BTBD9: variants seen among roughly 807,000 people sequenced by gnomAD.
The protein encoded by BTBD9 is BTB/POZ domain-containing protein 9.
BTBD9 carries 49 observed loss-of-function variants against 64.3 expected under a neutral mutation model. The ratio of observed to expected loss-of-function variants is 0.76; its 90% CI spans 0.61 to 0.97. The LOEUF (loss-of-function observed/expected upper bound fraction) is 0.97, where lower values mean the gene tolerates loss of function less well. BTBD9 is among the 50% of genes least tolerant of loss of function. The pLI is 0.00. For missense variants in BTBD9, 598 were observed against 762.1 expected (o/e 0.78, Z 2.53); for synonymous variants, 260 against 274.7 (o/e 0.95, Z 0.53).
At chr6:38,283,360 A>G (rs763338829) in intron 8 of BTBD9, among the ~76,000 whole-genome samples, 1 of 152,190 alleles carries the variant, frequency 6.6e-6, no homozygotes, top group Non-Finnish European at 1.5e-5. Context: ...AAGATAATTC[A>G]TGTTTGGCCA....
At chr6:38,287,302 T>C (rs1291488311) in intron 8 of BTBD9, among the ~76,000 whole-genome samples, 1 of 151,376 alleles carries the variant, frequency 6.6e-6, no homozygotes, top group African/African-American at 2.4e-5. Flanking sequence ...TACCATTTTT[T>C]ATGTTCTTCT....
chr6:38,212,158 G>A (rs1762855833), intron 9 of BTBD9, among the ~76,000 whole-genome samples: 1 of 152,182 alleles, frequency 6.6e-6, no homozygotes, highest in African/African-American at 2.4e-5. Flanking sequence ...TGGTGGCCAG[G>A]AGAATGTTAA....
intron 6 of BTBD9, among the ~76,000 whole-genome samples, chr6:38,400,267 A>G (rs1766869271): frequency 6.6e-6 from 1 of 152,090 alleles, no homozygotes; most frequent in African/African-American, 2.4e-5. Flanking sequence ...ATCCTTAAGC[A>G]ACACACCTGT....
At chr6:38,238,752 C>A (rs990200081) in intron 9 of BTBD9, among the ~76,000 whole-genome samples, 1 of 151,976 alleles carries the variant, frequency 6.6e-6, no homozygotes, top group East Asian at 1.9e-4. Flanking sequence ...GGATTACAGG[C>A]GTGAGCCACC....
chr6:38,637,016 C>A (rs1232889272), intron 1 of BTBD9, among the ~76,000 whole-genome samples: 2 of 152,142 alleles, frequency 1.3e-5, no homozygotes, highest in African/African-American at 4.8e-5. Context: ...CTTATGCTGG[C>A]CCCTGGAATG....
chr6:38,397,180 GT>G (rs1475504420), intron 6 of BTBD9, among the ~76,000 whole-genome samples: 2 of 152,214 alleles, frequency 1.3e-5, no homozygotes, highest in South Asian at 2.1e-4. Flanking sequence ...GGGATTACAG[GT>G]GTGAGCCACT....
intron 6 of BTBD9, among the ~76,000 whole-genome samples, chr6:38,381,137 G>C (rs560098138): frequency 1.3e-5 from 2 of 151,964 alleles, no homozygotes; most frequent in East Asian, 3.9e-4. Flanking sequence ...AAATGTATTA[G>C]GAAACATAAT....
chr6:38,175,832 A>C (rs1020677850), intron 10 of BTBD9, among the ~76,000 whole-genome samples: 2 of 152,230 alleles, frequency 1.3e-5, no homozygotes, highest in African/African-American at 4.8e-5. Context: ...ATGGTTGAGC[A>C]CAGACCCTGC....
chr6:38,207,045 T>C (rs1931765), intron 9 of BTBD9, among the ~76,000 whole-genome samples: 124,282 of 152,168 alleles, frequency 0.82, 50,856 homozygotes, highest in East Asian at 0.97. Flanking sequence ...ACTACTTTAA[T>C]TTATGATGTG....
intron 6 of BTBD9, among the ~76,000 whole-genome samples, chr6:38,467,917 T>C (rs1388435359): frequency 6.6e-6 from 1 of 152,216 alleles, no homozygotes; most frequent in African/African-American, 2.4e-5. Flanking sequence ...TATCATAGCT[T>C]ACTTTTTTTT....
intron 1 of BTBD9, among the ~76,000 whole-genome samples, chr6:38,637,565 G>A (rs1296884957): frequency 5.3e-5 from 8 of 152,164 alleles, no homozygotes; most frequent in Non-Finnish European, 1.2e-4. Context: ...TACAGGATCA[G>A]CAGTAAAGAC....
At chr6:38,319,694 C>T (rs1463569987) in intron 7 of BTBD9, among the ~76,000 whole-genome samples, 1 of 151,622 alleles carries the variant, frequency 6.6e-6, no homozygotes, top group African/African-American at 2.4e-5. Context: ...ACTCTTCCCT[C>T]TCCTCTCCTC....
intron 6 of BTBD9, among the ~76,000 whole-genome samples, chr6:38,525,598 A>C (rs1773455669): frequency 1.3e-5 from 2 of 152,204 alleles, no homozygotes; most frequent in African/African-American, 2.4e-5. Context: ...AATGGTTTTG[A>C]CCAAAATGCT....
chr6:38,504,513 G>A (rs1772373228), intron 6 of BTBD9: 2 of 456,468 alleles, frequency 4.4e-6, no homozygotes, highest in Admixed American at 2.4e-5. Context: ...ACTTTGCACT[G>A]TCACTGTCAG....
At chr6:38,323,928 T>C (rs1173117497) in intron 7 of BTBD9, among the ~76,000 whole-genome samples, 2 of 151,954 alleles carry the variant, frequency 1.3e-5, no homozygotes, top group African/African-American at 4.8e-5. Context: ...GCAGACTCTG[T>C]CTCTACACTT....
At position 38,192,520 on chromosome 6, in the gene BTBD9, T is replaced by C; in HGVS notation, c.1640A>G (p.Glu547Gly). Residue 547 changes from glutamate (E) to glycine (G), a missense_variant and splice_region_variant, in exon 10 of 11, where the codon GAG (glutamate) becomes GGG (glycine). Glu to Gly is a moderately conservative substitution (Grantham distance 98). Transcript: ENST00000481247. The stretch of plus-strand genomic sequence containing the variant: ...CCTCTCATGAAAAGAGACCCTTACC[T>C]CATTTGCTGTGTTGTGTGTCCCAAC... Reference protein sequence around the residue: ...RIVGTHNTANEVFHCVHFECP... With the variant: ...RIVGTHNTANGVFHCVHFECP... 1 of 1,613,208 alleles carries C rather than the reference T, an allele frequency of 6.2e-7. No homozygotes were observed. Among genetic ancestry groups the C allele is most frequent in the Non-Finnish European group, 8.5e-7 (1 of 1,179,454 alleles).
intron 9 of BTBD9, among the ~76,000 whole-genome samples, chr6:38,236,044 C>G (rs1309675726): frequency 1.3e-5 from 2 of 152,176 alleles, no homozygotes; most frequent in Admixed American, 1.3e-4. Context: ...GAAACTGAGA[C>G]TCTGGATCTC....
intron 3 of BTBD9, 35 bp downstream of exon 3, chr6:38,593,929 C>T (rs780260072): frequency 7.8e-6 from 12 of 1,536,796 alleles, no homozygotes; most frequent in Admixed American, 5.3e-5. Flanking sequence ...TAAAACAATG[C>T]ATGCCTATAA....
chr6:38,372,758 C>A (rs559523753), intron 6 of BTBD9, among the ~76,000 whole-genome samples: 3 of 152,268 alleles, frequency 2.0e-5, no homozygotes, highest in Non-Finnish European at 4.4e-5. Flanking sequence ...AGTCTTCCTT[C>A]CAACAATTTT....
Sources: allele counts gnomAD v4.1 joint callset (sites outside exome capture counted in the v4.1 genomes callset), GRCh38; gene constraint gnomAD v4.1.1; transcripts MANE v1.5; gene names NCBI Gene and HGNC (gene_info 2026-07-23, HGNC 2026-07-21).